MYO3B: variants seen among roughly 807,000 people sequenced by gnomAD.
MYO3B encodes the protein myosin-IIIb.
In MYO3B, 156 loss-of-function variants were observed where a neutral mutation model predicts 174.6. That is an observed-to-expected ratio of 0.89 (90% confidence interval 0.78 to 1.02). The LOEUF is 1.02. Among genes scored for constraint, MYO3B ranks in the 50% least tolerant of loss-of-function variants. MYO3B has a pLI of 0.00. For synonymous variants in MYO3B, 563 were observed against 569.1 expected (o/e 0.99, Z 0.15); for missense variants, 1,632 against 1,639.4 (o/e 1.00, Z 0.08).
At chr2:170,405,897 C>A (rs370655838) in intron 21 of MYO3B, among the ~76,000 whole-genome samples, 5 of 152,236 alleles carry the variant, frequency 3.3e-5, no homozygotes, top group Admixed American at 1.3e-4. Flanking sequence ...TGACAGCTCT[C>A]CAGAGAGAAA....
At chr2:170,283,051 G>C (rs2093525424) in intron 7 of MYO3B, among the ~76,000 whole-genome samples, 1 of 152,174 alleles carries the variant, frequency 6.6e-6, no homozygotes, top group Admixed American at 6.5e-5. Context: ...GAGATGCAGA[G>C]GCTGTTGTAC....
Position 170,369,290 on chromosome 2 carries a change from G to A in MYO3B, c.884G>A (p.Gly295Glu). The change falls in exon 9 of 35, where the codon GGA becomes GAA. Residue 295 changes from glycine to glutamate, a missense_variant. Gly to Glu is a moderately conservative substitution (Grantham distance 98, BLOSUM62 -2). Coordinates refer to ENST00000408978, the MANE Select transcript of MYO3B (RefSeq NM_138995.5). ...THLLDHPFIKGVHGKVLFLQK... is the reference protein window; with the variant it reads ...THLLDHPFIKEVHGKVLFLQK... ...CTCCTTGACCACCCATTTATTAAAG[G>A]AGTACATGGAAAAGTTCTGTTTCTG... 1 of 1,613,748 alleles carries A rather than the reference G, an allele frequency of 6.2e-7. No individual in the cohort carries two copies. The highest frequency in any genetic ancestry group is 8.5e-7 in the Non-Finnish European group (1 of 1,179,770).
intron 7 of MYO3B, among the ~76,000 whole-genome samples, chr2:170,242,811 T>G (rs2093149046): frequency 6.6e-6 from 1 of 152,060 alleles, no homozygotes. Flanking sequence ...ACCTCCTAAA[T>G]GATGGAGAGA....
intron 32 of MYO3B, among the ~76,000 whole-genome samples, chr2:170,622,840 G>C (rs1168318551): frequency 6.7e-6 from 1 of 149,168 alleles, no homozygotes; most frequent in East Asian, 2.0e-4. Context: ...TTTTGTCCTT[G>C]TGAGGGTTTG....
intron 8 of MYO3B, among the ~76,000 whole-genome samples, chr2:170,355,924 G>T (rs6723442): frequency 5.2e-4 from 79 of 151,774 alleles, no homozygotes; most frequent in African/African-American, 1.9e-3. Flanking sequence ...ATGATGTAAG[G>T]CATCAGTTTA....
intron 32 of MYO3B, among the ~76,000 whole-genome samples, chr2:170,604,882 G>A (rs1351539748): frequency 1.3e-5 from 2 of 152,176 alleles, no homozygotes; most frequent in Non-Finnish European, 2.9e-5. Context: ...CAATCTGGTA[G>A]CTTCCAGGTA....
intron 16 of MYO3B, 91 bp downstream of exon 16, chr2:170,392,586 T>C: frequency 1.3e-6 from 1 of 793,296 alleles, no homozygotes; most frequent in South Asian, 3.0e-5. Flanking sequence ...GATAAGACAC[T>C]TGCTTTCAAA....
intron 32 of MYO3B, among the ~76,000 whole-genome samples, chr2:170,617,319 G>A (rs566658216): frequency 2.0e-5 from 3 of 152,156 alleles, no homozygotes; most frequent in Admixed American, 2.0e-4. Flanking sequence ...CAAATATCTT[G>A]TCTGGCTCTG....
At chr2:170,433,910 G>T (rs1024519864) in intron 22 of MYO3B, among the ~76,000 whole-genome samples, 3 of 152,156 alleles carry the variant, frequency 2.0e-5, no homozygotes, top group African/African-American at 7.2e-5. Context: ...TAAGACATTA[G>T]GTCATGTCCA....
chr2:170,376,067 G>C (rs983108751), intron 9 of MYO3B, among the ~76,000 whole-genome samples: 1 of 152,052 alleles, frequency 6.6e-6, no homozygotes, highest in Non-Finnish European at 1.5e-5. Context: ...TGATTTATTG[G>C]GATTCTGGCC....
intron 22 of MYO3B, among the ~76,000 whole-genome samples, chr2:170,416,818 GTTTT>G (rs552594236): frequency 1.7e-5 from 2 of 116,124 alleles, no homozygotes; most frequent in Non-Finnish European, 3.5e-5. Flanking sequence ...TTTTTCTGTT[GTTTT>G]TTTTTTTTTT....
intron 32 of MYO3B, among the ~76,000 whole-genome samples, chr2:170,599,816 T>G (rs1694387700): frequency 6.6e-6 from 1 of 152,192 alleles, no homozygotes. Context: ...GCCCTTAGTC[T>G]CAGGCTTAGA....
intron 16 of MYO3B, 81 bp from the exon 17 acceptor site, chr2:170,400,107 A>G: frequency 1.3e-6 from 2 of 1,548,302 alleles, no homozygotes; most frequent in Non-Finnish European, 1.8e-6. Context: ...GTAGACAACT[A>G]GTAGTTTCCA....
At chr2:170,599,490 T>C (rs1694366192) in intron 32 of MYO3B, among the ~76,000 whole-genome samples, 1 of 152,224 alleles carries the variant, frequency 6.6e-6, no homozygotes, top group African/African-American at 2.4e-5. Flanking sequence ...TTTTTTGCCG[T>C]AATCCCAGCA....
rs73012804 is a variant in MYO3B at position 170,288,988 on chromosome 2, C to G, written c.750-46397C>G. Among the ~76,000 whole-genome samples the G allele has an allele frequency of 4.8e-3, 736 of 152,162 alleles. 10 individuals are homozygous for G. The highest frequency in any genetic ancestry group is 0.017 in the African/African-American group (698 of 41,552). ...AATCAGTTGGTTTTTGTTCTCAATT[C>G]TGTTCGTGTGTTGTATTACATTTAT... On this transcript the variant is annotated intron_variant, in intron 7 of 34. Transcript: ENST00000408978.
At chr2:170,507,501 G>C (rs866018440) in intron 28 of MYO3B, among the ~76,000 whole-genome samples, 1 of 152,072 alleles carries the variant, frequency 6.6e-6, no homozygotes, top group Non-Finnish European at 1.5e-5. Context: ...CTGAGTTCAA[G>C]GGATTCTCCT....
chr2:170,572,745 CTTTTTGAAA>C (rs1692523626), intron 32 of MYO3B, among the ~76,000 whole-genome samples: 1 of 152,092 alleles, frequency 6.6e-6, no homozygotes, highest in Non-Finnish European at 1.5e-5. Context: ...GGATAATCCT[CTTTTTGAAA>C]TAATTTTAAC....
intron 7 of MYO3B, among the ~76,000 whole-genome samples, chr2:170,243,959 C>T (rs951684532): frequency 6.6e-6 from 1 of 152,160 alleles, no homozygotes; most frequent in African/African-American, 2.4e-5. Flanking sequence ...GTCACATACA[C>T]CTCACCCTCA....
intron 3 of MYO3B, among the ~76,000 whole-genome samples, chr2:170,212,601 A>G (rs921625532): frequency 1.3e-5 from 2 of 150,706 alleles, no homozygotes; most frequent in Non-Finnish European, 2.9e-5. Context: ...GTAGACACAT[A>G]AAAGGGTGAG....
Sources: gnomAD v4.1 joint callset for allele counts (sites outside exome capture counted in the v4.1 genomes callset) on GRCh38, gnomAD v4.1.1 for gene constraint, MANE v1.5 for transcripts, NCBI Gene and HGNC (gene_info 2026-07-23, HGNC 2026-07-21) for gene names.